ALS2CL: variants seen among roughly 807,000 people sequenced by gnomAD.
ALS2CL encodes ALS2 C-terminal-like protein.
Under a neutral mutation model 127.9 loss-of-function variants are expected in ALS2CL, and 112 were observed. That is an observed-to-expected ratio of 0.88 (90% CI 0.75 to 1.02). ALS2CL has a LOEUF of 1.02. Ranked by LOEUF, ALS2CL falls within the 50% of genes least tolerant of loss-of-function variation. ALS2CL has a pLI of 0.00. For missense variants in ALS2CL, 1,174 were observed against 1,236.7 expected (o/e 0.95, Z 0.76); for synonymous variants, 519 against 527.6 (o/e 0.98, Z 0.22).
In ALS2CL at chr3:46,682,018, G is replaced by A; in HGVS notation, c.1175+11C>T. 1 of 1,613,748 alleles carries A rather than the reference G, an allele frequency of 6.2e-7. No homozygotes were observed. The highest frequency in any genetic ancestry group is 8.5e-7 in the Non-Finnish European group (1 of 1,179,868). On this transcript the variant is annotated intron_variant, in intron 11 of 25. Coordinates refer to ENST00000318962, the MANE Select transcript of ALS2CL (RefSeq NM_147129.5). ...TGCACGCCTCCCAGCAGTAGCCCCA[G>A]CCAGCCTTACCCATGCTCCAGGCCC...
Position 46,681,914 on chromosome 3 carries a change from T to C in ALS2CL, c.1175+115A>G. 7.6e-7 allele frequency: 1 copy of C among 1,307,810 alleles called. No individual in the cohort carries two copies. Among genetic ancestry groups the C allele is most frequent in the Non-Finnish European group, 1.1e-6 (1 of 933,524 alleles). The allele number at this position is 1,307,810 out of a possible 1,614,324, so 81.0% of individuals were successfully genotyped here. A position where few individuals can be genotyped will look rare whatever the true frequency, so the allele number is the denominator to read the frequency against. On this transcript the variant is annotated intron_variant, in intron 11 of 25. Coordinates refer to ENST00000318962, the MANE Select transcript of ALS2CL (RefSeq NM_147129.5). This position sits in a 1 kb window ranked among gnomAD's most constrained non-coding sequence, Gnocchi z 4.9. ...GGGGCTGGACCGGATTGTCTCTAAG[T>C]TCCTGCTTGAGGTTTGGGAATTCAG...
intron 21 of ALS2CL, among the ~76,000 whole-genome samples, chr3:46,673,980 G>A (rs1234289853): frequency 6.6e-6 from 1 of 152,158 alleles, no homozygotes; most frequent in African/African-American, 2.4e-5. Context: ...TGGATAGATG[G>A]GACACTGAAG....
At chr3:46,673,229 C>CCAA in intron 22 of ALS2CL, 110 bp downstream of exon 22, 4 of 925,108 alleles carry the variant, frequency 4.3e-6, no homozygotes, top group Non-Finnish European at 6.2e-6. Flanking sequence ...CCACCCTGCC[C>CCAA]CTCCCCAGCT....
chr3:46,678,809 C>G (rs2106710614), intron 15 of ALS2CL, among the ~76,000 whole-genome samples: 1 of 152,358 alleles, frequency 6.6e-6, no homozygotes, highest in Admixed American at 6.5e-5. Context: ...GAAACCAAAA[C>G]AGCCCCTACA....
chr3:46,679,778 C>G (rs925113952), intron 14 of ALS2CL: 1 of 154,910 alleles, frequency 6.5e-6, no homozygotes, highest in African/African-American at 2.4e-5. Context: ...CTCCTTCAAT[C>G]CTTTCGAGAA....
intron 15 of ALS2CL, among the ~76,000 whole-genome samples, 165 bp downstream of exon 15, chr3:46,679,045 T>C (rs561979768): frequency 6.6e-6 from 1 of 152,128 alleles, no homozygotes; most frequent in Admixed American, 6.5e-5. Context: ...CCAGAATCAA[T>C]CGCAACTCTG....
chr3:46,671,276 G>A (rs910914654), intron 25 of ALS2CL, among the ~76,000 whole-genome samples: 2 of 152,148 alleles, frequency 1.3e-5, no homozygotes, highest in Non-Finnish European at 2.9e-5. Flanking sequence ...ATGGCCCCAG[G>A]GTCCCCAGGG....
chr3:46,673,968 A>G (rs1476137947), intron 21 of ALS2CL, among the ~76,000 whole-genome samples: 1 of 152,188 alleles, frequency 6.6e-6, no homozygotes, highest in Non-Finnish European at 1.5e-5. Context: ...TTGTGGCATC[A>G]ATGGATAGAT....
intron 22 of ALS2CL, among the ~76,000 whole-genome samples, 196 bp from the exon 23 acceptor site, chr3:46,672,397 C>T (rs996022484): frequency 2.6e-5 from 4 of 152,164 alleles, no homozygotes; most frequent in South Asian, 2.1e-4. Context: ...AACCATAAAA[C>T]GGGGTGAATA....
rs577755744 is a variant in ALS2CL at position 46,692,287 on chromosome 3, G to A, written c.-26+1356C>T. ...AGCGTGAATGTGCATGAGTGTGCAC[G>A]TTTGCAGGGCAGGAGGAGGAGGTGC... On this transcript the variant is annotated intron_variant, in intron 1 of 25. Coordinates refer to ENST00000318962, the MANE Select transcript of ALS2CL (RefSeq NM_147129.5). Among the ~76,000 whole-genome samples, 5 of 152,252 alleles carry A rather than the reference G, an allele frequency of 3.3e-5. No homozygotes were observed. In the South Asian group the frequency reaches 6.2e-4, roughly 19 times the overall value.
chr3:46,677,255 C>T (rs1698930795), intron 16 of ALS2CL: 2 of 1,376,414 alleles, frequency 1.5e-6, no homozygotes, highest in African/African-American at 1.5e-5. Flanking sequence ...CAGACAGAAG[C>T]ATATGGAATC....
Position 46,687,047 on chromosome 3 carries a change from G to A in ALS2CL, c.470C>T (p.Pro157Leu). 6.2e-7 allele frequency: 1 copy of A among 1,603,758 alleles called. No individual in the cohort carries two copies. The highest frequency in any genetic ancestry group is 8.5e-7 in the Non-Finnish European group (1 of 1,179,004). Residue 157 changes from proline (P) to leucine (L), a missense_variant, in exon 5 of 26, where the codon CCA becomes CTA. Pro to Leu is a moderately conservative substitution (Grantham distance 98). Coordinates refer to ENST00000318962, the MANE Select transcript of ALS2CL (RefSeq NM_147129.5). ...GTACTGTTGCACGTGATGGGCGAGT[G>A]GCTGGTGGAGGGCCTGGCCCAGCGA... is the stretch of plus-strand genomic sequence containing the variant. ...GASLGQALHQ[P>L]LAHHVQQYVL...
rs1699287121 is a variant in ALS2CL, at chr3:46,681,102, A to G, written c.1436+144T>C. The G allele has an allele frequency of 7.5e-7, 1 of 1,335,190 alleles. No individual in the cohort carries two copies. The highest frequency in any genetic ancestry group is 1.1e-6 in the Non-Finnish European group (1 of 939,106). The allele number at this position is 1,335,190 out of a possible 1,614,324, so 82.7% of individuals were successfully genotyped here. On this transcript the variant is annotated intron_variant, in intron 13 of 25. Coordinates refer to ENST00000318962, the MANE Select transcript of ALS2CL (RefSeq NM_147129.5). This position sits in a 1 kb window ranked among gnomAD's most constrained non-coding sequence, Gnocchi z 4.9. ...AGATTCGCTCAGCCTGAGCCTCCGC[A>G]GCAACCGAGGGACTGGAGGGGAAGT... is the stretch of plus-strand genomic sequence containing the variant.
At position 46,686,839 on chromosome 3, in the gene ALS2CL, G is replaced by C. The variant is rs1243612234; in HGVS notation, c.534+144C>G. ...CCTGAAAACCACAGGACAGGCCTGTGACTTCCTCAACCCTCTCCCACCTGC... is the reference window on the plus strand; with the variant it reads ...CCTGAAAACCACAGGACAGGCCTGTCACTTCCTCAACCCTCTCCCACCTGC... On this transcript the variant is annotated intron_variant, in intron 5 of 25. Coordinates refer to ENST00000318962, the MANE Select transcript of ALS2CL (RefSeq NM_147129.5). The surrounding 1 kb of genome is among the most constrained non-coding windows in gnomAD (Gnocchi z 4.3). 3 of 1,047,278 alleles carry C rather than the reference G, an allele frequency of 2.9e-6. No homozygotes were observed. In the African/African-American group the frequency reaches 4.9e-5, roughly 17 times the overall value. 64.9% of individuals were successfully genotyped at this position (1,047,278 alleles called of 1,614,324 possible).
At chr3:46,688,071 C>T (rs377174472) in intron 3 of ALS2CL, 27 bp downstream of exon 3, 9 of 1,607,944 alleles carry the variant, frequency 5.6e-6, no homozygotes, top group East Asian at 2.2e-5. Context: ...CAGGGATGAG[C>T]CCCAGCCCCA....
intron 21 of ALS2CL, 41 bp from the exon 22 acceptor site, chr3:46,673,422 AG>A (rs1446991673): frequency 2.6e-6 from 4 of 1,546,410 alleles, no homozygotes; most frequent in Non-Finnish European, 3.5e-6. Flanking sequence ...TGCCTCGACA[AG>A]GGGCAGAGTC....
At position 46,686,415 on chromosome 3, in the gene ALS2CL, C is replaced by A; in HGVS notation, c.559G>T (p.Val187Leu). Residue 187 changes from valine to leucine, a missense_variant, in exon 6 of 26, where the codon GTG becomes TTG. By Grantham distance (32) the Val-to-Leu change is conservative (BLOSUM62 1). Transcript: ENST00000318962. This position sits in a 1 kb window ranked among gnomAD's most constrained non-coding sequence, Gnocchi z 4.3. ...GEHHPTRELV[V>L]NAVTLFGNLQ... ...TTCCCAAAGAGGGTGACTGCGTTCA[C>A]CACCAGCTCCCGGGTTGGGTGATGC... The A allele has an allele frequency of 6.2e-7, 1 of 1,613,520 alleles. No individual in the cohort carries two copies. The highest frequency in any genetic ancestry group is 8.5e-7 in the Non-Finnish European group (1 of 1,179,812).
At chr3:46,675,763 C>G in intron 19 of ALS2CL, 77 bp from the exon 20 acceptor site, 1 of 1,604,298 alleles carries the variant, frequency 6.2e-7, no homozygotes, top group Non-Finnish European at 8.5e-7. Flanking sequence ...TCAACAAAGG[C>G]AAAAGCAGGT....
intron 16 of ALS2CL, among the ~76,000 whole-genome samples, chr3:46,677,703 A>G (rs992636600): frequency 5.3e-5 from 8 of 152,194 alleles, no homozygotes; most frequent in Non-Finnish European, 1.0e-4. Context: ...TGCAATACTG[A>G]GTCTTCCTCA....
Sources: gnomAD v4.1 joint callset for allele counts (sites outside exome capture counted in the v4.1 genomes callset) on GRCh38, gnomAD v4.1.1 for gene constraint, Gnocchi (gnomAD v3.1) non-coding constraint, MANE v1.5 for transcripts, NCBI Gene and HGNC (gene_info 2026-07-23, HGNC 2026-07-21) for gene names.